The following SNTG2 variants were observed in gnomAD, a reference collection of about 807,000 sequenced individuals.
SNTG2 encodes the protein gamma-2-syntrophin.
Under a neutral mutation model 70.9 loss-of-function variants are expected in SNTG2, and 74 were observed. That is an observed-to-expected ratio of 1.04 (90% CI 0.86 to 1.27). The LOEUF is 1.27. Ranked by LOEUF, SNTG2 falls within the 50% of genes most tolerant of loss-of-function variation. The probability of loss-of-function intolerance (pLI) is 0.00; values close to 1 mark genes in which losing one functional copy is unlikely to be tolerated. For missense variants in SNTG2, 717 were observed against 690.7 expected (o/e 1.04, Z -0.43); for synonymous variants, 278 against 273.8 (o/e 1.02, Z -0.15).
chr2:1,338,505 A>G (rs1659927712), intron 16 of SNTG2, among the ~76,000 whole-genome samples: 1 of 152,176 alleles, frequency 6.6e-6, no homozygotes, highest in South Asian at 2.1e-4. Flanking sequence ...TTATAAGCAG[A>G]TAGAAACAAA....
chr2:983,634 C>T (rs369262949), intron 1 of SNTG2, among the ~76,000 whole-genome samples: 2 of 152,260 alleles, frequency 1.3e-5, no homozygotes, highest in Non-Finnish European at 2.9e-5. Flanking sequence ...CAGTGGCTCC[C>T]GTTGCCCCAG....
chr2:1,282,931 C>A (rs913511203), intron 14 of SNTG2, among the ~76,000 whole-genome samples: 1 of 152,214 alleles, frequency 6.6e-6, no homozygotes, highest in Non-Finnish European at 1.5e-5. Flanking sequence ...ACCTGCACAT[C>A]TATTTTCTAA....
chr2:1,213,490 T>C (rs1338043347), intron 9 of SNTG2, among the ~76,000 whole-genome samples: 1 of 152,214 alleles, frequency 6.6e-6, no homozygotes, highest in Non-Finnish European at 1.5e-5. Context: ...TGCATACATT[T>C]AAGAAAGATT....
At chr2:988,429 A>C (rs1482248266) in intron 1 of SNTG2, among the ~76,000 whole-genome samples, 1 of 151,940 alleles carries the variant, frequency 6.6e-6, no homozygotes, top group Admixed American at 6.5e-5. Context: ...TACCACGTGG[A>C]GTTTTGATTT....
chr2:1,037,261 G>A (rs1204367089), intron 1 of SNTG2, among the ~76,000 whole-genome samples: 5 of 152,190 alleles, frequency 3.3e-5, no homozygotes, highest in African/African-American at 1.2e-4. Context: ...GGACACCAAG[G>A]CAGTGGGGGC....
intron 13 of SNTG2, among the ~76,000 whole-genome samples, chr2:1,263,332 A>G (rs1055709855): frequency 1.3e-5 from 2 of 151,216 alleles, no homozygotes; most frequent in Non-Finnish European, 1.5e-5. Context: ...GAGAATATTA[A>G]TTATTGTCCT....
intron 12 of SNTG2, 59 bp from the exon 13 acceptor site, chr2:1,259,311 A>T: frequency 1.9e-6 from 3 of 1,541,050 alleles, no homozygotes; most frequent in Middle Eastern, 1.7e-4. Flanking sequence ...GTAAATTTTT[A>T]AATTTTTCAA....
Position 1,204,372 on chromosome 2 carries a change from G to A in SNTG2, c.592-4731G>A, listed in dbSNP as rs1412522293. The stretch of plus-strand genomic sequence containing the variant: ...TCAGTGATTCACTGTAGAAAATACA[G>A]CAACATGTAAAAAGTTGGCTTCAAA... On this transcript the variant is annotated intron_variant, in intron 8 of 16. Transcript: ENST00000308624. Among the ~76,000 whole-genome samples, 9 of 152,270 alleles carry A rather than the reference G, an allele frequency of 5.9e-5. No homozygotes were observed. The South Asian group carries it at 1.5e-3, about 25-fold the overall frequency.
chr2:1,001,757 A>G (rs899341267), intron 1 of SNTG2, among the ~76,000 whole-genome samples: 8 of 152,100 alleles, frequency 5.3e-5, no homozygotes, highest in African/African-American at 1.9e-4. Flanking sequence ...AAAAGATTAG[A>G]AAAAAAGTCC....
rs188577520 is a variant in SNTG2 at position 1,365,920 on chromosome 2, C to T, written c.1489-1423C>T. ...GTTATTGGGGAGGGAGGGCTTTACC[C>T]GGTGATGTGTGACCTCCAATCCTGC... On this transcript the variant is annotated intron_variant, in intron 16 of 16. Coordinates refer to ENST00000308624, the MANE Select transcript of SNTG2 (RefSeq NM_018968.4). Among the ~76,000 whole-genome samples, 41 of 152,280 alleles carry T rather than the reference C, an allele frequency of 2.7e-4. No individual in the cohort carries two copies. The East Asian group carries it at 7.5e-3, about 28-fold the overall frequency.
chr2:1,110,723 G>A (rs912594438), intron 4 of SNTG2, among the ~76,000 whole-genome samples: 1 of 152,184 alleles, frequency 6.6e-6, no homozygotes, highest in Non-Finnish European at 1.5e-5. Context: ...CTGCTGTGCT[G>A]CCATATCTTC....
At chr2:958,559 A>C (rs1255996850) in intron 1 of SNTG2, among the ~76,000 whole-genome samples, 1 of 152,204 alleles carries the variant, frequency 6.6e-6, no homozygotes, top group Non-Finnish European at 1.5e-5. Context: ...AATTACCTAC[A>C]CTGTAATTGC....
At chr2:1,126,390 G>A (rs1346319070) in intron 4 of SNTG2, among the ~76,000 whole-genome samples, 2 of 152,156 alleles carry the variant, frequency 1.3e-5, no homozygotes, top group Admixed American at 1.3e-4. Context: ...CACCTGTTGT[G>A]GGACACTTAG....
chr2:1,025,816 C>T (rs1173569006), intron 1 of SNTG2, among the ~76,000 whole-genome samples: 1 of 152,218 alleles, frequency 6.6e-6, no homozygotes, highest in African/African-American at 2.4e-5. Flanking sequence ...CATTCACAGG[C>T]TCTGCAGATG....
rs1678800160 is a variant in SNTG2, at chr2:1,267,410, G to A, written c.1123G>A (p.Gly375Ser). ...DCWLQANLYL[G>S]LQDFDFEDQR... is the part of the protein sequence containing the mutation. ...CTGGTTGCAAGCAAACTTGTATCTG[G>A]GTCTTCAAGATTTTGACTTTGAGGA... The change falls in exon 14 of 17, where the codon GGT becomes AGT. Residue 375 changes from glycine (G) to serine (S), a missense_variant. Coordinates refer to ENST00000308624, the MANE Select transcript of SNTG2 (RefSeq NM_018968.4). 1 of 1,610,520 alleles carries A rather than the reference G, an allele frequency of 6.2e-7. No homozygotes were observed. The highest frequency in any genetic ancestry group is 1.7e-5 in the Admixed American group (1 of 59,562).
At chr2:1,308,937 G>A (rs1030008384) in intron 15 of SNTG2, among the ~76,000 whole-genome samples, 1 of 152,162 alleles carries the variant, frequency 6.6e-6, no homozygotes, top group Non-Finnish European at 1.5e-5. Flanking sequence ...GCGGTGAACA[G>A]TGCCTGTGCC....
At chr2:993,023 T>C (rs1369843071) in intron 1 of SNTG2, among the ~76,000 whole-genome samples, 1 of 151,904 alleles carries the variant, frequency 6.6e-6, no homozygotes, top group Non-Finnish European at 1.5e-5. Context: ...TTGCCTTCTG[T>C]GGACATTTTA....
intron 8 of SNTG2, among the ~76,000 whole-genome samples, chr2:1,178,498 A>C (rs1401617365): frequency 6.6e-6 from 1 of 152,130 alleles, no homozygotes; most frequent in African/African-American, 2.4e-5. Context: ...ATTTATTGAG[A>C]GTTTTTAGCA....
chr2:1,221,397 CTGTCCCTCTCAGTCTCTGGTTTTG>C (rs1674793167), intron 9 of SNTG2, among the ~76,000 whole-genome samples: 16 of 118,524 alleles, frequency 1.3e-4, no homozygotes, highest in African/African-American at 4.7e-4. Flanking sequence ...CCCTCTGTCT[CTGTCCCTCTCAGTCTCTGGTTTTG>C]TCTCTGTCTC....
Sources: allele counts gnomAD v4.1 joint callset (sites outside exome capture counted in the v4.1 genomes callset), GRCh38; gene constraint gnomAD v4.1.1; transcripts MANE v1.5; gene names NCBI Gene and HGNC (gene_info 2026-07-23, HGNC 2026-07-21).